Variants in EGFLAM observed in about 807,000 individuals in gnomAD.
EGFLAM encodes EGF like, fibronectin type III and laminin G domains, also known as pikachurin.
Under a neutral mutation model 113.1 loss-of-function variants are expected in EGFLAM, and 79 were observed. The observed-to-expected ratio is 0.70, with a 90% CI of 0.58 to 0.84. EGFLAM has a LOEUF of 0.84. EGFLAM is among the 40% of genes least tolerant of loss of function. The probability of loss-of-function intolerance (pLI) is 0.00; values close to 1 mark genes in which losing one functional copy is unlikely to be tolerated. For missense variants in EGFLAM, 1,265 were observed against 1,291.6 expected (o/e 0.98, Z 0.32); for synonymous variants, 504 against 487.6 (o/e 1.03, Z -0.44).
intron 5 of EGFLAM, among the ~76,000 whole-genome samples, chr5:38,354,678 C>T (rs562881390): frequency 4.0e-5 from 6 of 151,814 alleles, no homozygotes; most frequent in Non-Finnish European, 8.8e-5. Context: ...TGCAGTGAGC[C>T]GAGATTACAC....
intron 6 of EGFLAM, among the ~76,000 whole-genome samples, chr5:38,394,468 G>A (rs1044989670): frequency 4.0e-5 from 6 of 151,710 alleles, no homozygotes; most frequent in Admixed American, 2.0e-4. Context: ...GGAGTGCAGT[G>A]GCACGATCTC....
Position 38,282,990 on chromosome 5 carries a change from T to C in EGFLAM, c.97+24139T>C, listed in dbSNP as rs150045385. 2.3e-3 allele frequency among the ~76,000 whole-genome samples: 350 copies of C among 152,260 alleles called. 1 individual carries two copies. The highest frequency in any genetic ancestry group is 8.1e-3 in the African/African-American group (336 of 41,560). ...CCCCAGCCCCCTGAATAGCTGGGAC[T>C]ACAGGCATGTGCCACCACACCAGGC... On this transcript the variant is annotated intron_variant, in intron 1 of 21. Transcript: ENST00000322350.
intron 13 of EGFLAM, 97 bp downstream of exon 13, chr5:38,425,189 T>C: frequency 6.7e-7 from 1 of 1,500,240 alleles, no homozygotes; most frequent in Non-Finnish European, 8.9e-7. Flanking sequence ...ATTTGTTTGT[T>C]TGTTTTTGAG....
At chr5:38,297,597 C>T (rs1758477561) in intron 1 of EGFLAM, among the ~76,000 whole-genome samples, 1 of 152,196 alleles carries the variant, frequency 6.6e-6, no homozygotes, top group Non-Finnish European at 1.5e-5. Context: ...GACTAAATCA[C>T]ATCTGAAATG....
At chr5:38,344,494 A>G (rs1337065734) in intron 3 of EGFLAM, among the ~76,000 whole-genome samples, 1 of 152,134 alleles carries the variant, frequency 6.6e-6, no homozygotes, top group Non-Finnish European at 1.5e-5. Context: ...AAAAAAAAAA[A>G]AAAAAAGAAG....
At chr5:38,459,180 A>C (rs113551948) in intron 20 of EGFLAM, among the ~76,000 whole-genome samples, 2,629 of 152,096 alleles carry the variant, frequency 0.017, 73 homozygotes, top group African/African-American at 0.059. Context: ...AGCTGGGACC[A>C]CAGGTGTGCA....
In EGFLAM at chr5:38,427,082, C is replaced by T. The variant is rs751080180; in HGVS notation, c.1884C>T (p.Pro628=). The T allele has an allele frequency of 8.7e-6, 14 of 1,614,056 alleles. No homozygotes were observed. The highest frequency in any genetic ancestry group is 1.1e-5 in the Non-Finnish European group (13 of 1,180,022). The stretch of plus-strand genomic sequence containing the variant: ...CTGCAACTCCCTGGCCACTGGAGCC[C>T]CAGCATTACCTTTCCTTCATGGAAT... ...SYAATPWPLE[P]QHYLSFMEFE... is the part of the protein sequence containing the mutation. Residue 628 remains proline, a synonymous_variant, in exon 14 of 22, where the codon CCC becomes CCT. Coordinates refer to ENST00000322350, the MANE Select transcript of EGFLAM (RefSeq NM_152403.4).
chr5:38,272,568 C>G (rs192251081), intron 1 of EGFLAM, among the ~76,000 whole-genome samples: 94 of 152,304 alleles, frequency 6.2e-4, no homozygotes, highest in African/African-American at 2.1e-3. Flanking sequence ...CCCTGGCTTG[C>G]TTATGAAGAT....
chr5:38,382,653 T>C (rs1175071034), intron 6 of EGFLAM, among the ~76,000 whole-genome samples: 1 of 152,246 alleles, frequency 6.6e-6, no homozygotes, highest in East Asian at 1.9e-4. Flanking sequence ...CACTAATCTC[T>C]TATTAACACA....
intron 6 of EGFLAM, among the ~76,000 whole-genome samples, chr5:38,387,176 A>G (rs963483182): frequency 2.0e-5 from 3 of 152,178 alleles, no homozygotes; most frequent in South Asian, 2.1e-4. Context: ...CAAAAGGCAT[A>G]GGGGCATAGA....
chr5:38,392,165 G>A (rs759401430), intron 6 of EGFLAM, among the ~76,000 whole-genome samples: 12 of 152,074 alleles, frequency 7.9e-5, no homozygotes, highest in Non-Finnish European at 1.6e-4. Flanking sequence ...GTGTTCATAA[G>A]TTCTCATCAT....
At chr5:38,262,239 T>C (rs1757517004) in intron 1 of EGFLAM, among the ~76,000 whole-genome samples, 1 of 152,142 alleles carries the variant, frequency 6.6e-6, no homozygotes, top group East Asian at 1.9e-4. Context: ...GCTTCTGTGG[T>C]GGGGCAGGAA....
In EGFLAM at chr5:38,413,829, G is replaced by T. The variant is rs185700650; in HGVS notation, c.1494+1181G>T. On this transcript the variant is annotated intron_variant, in intron 11 of 21. Transcript: ENST00000322350. Reference sequence around the variant, plus strand: ...AATTTTTCCACGGACCAAAGTTGGGGGATGGTTTCGGGATAAACTGTTCCA... The same window carrying T: ...AATTTTTCCACGGACCAAAGTTGGGTGATGGTTTCGGGATAAACTGTTCCA... 2.7e-3 allele frequency among the ~76,000 whole-genome samples: 418 copies of T among 152,298 alleles called. 1 individual carries two copies. The highest frequency in any genetic ancestry group is 9.6e-3 in the African/African-American group (398 of 41,562).
At position 38,438,296 on chromosome 5, in the gene EGFLAM, A is replaced by C. The variant is rs746005592; in HGVS notation, c.2305A>C (p.Ile769Leu). The C allele has an allele frequency of 1.2e-6, 2 of 1,613,442 alleles. No individual in the cohort carries two copies. The highest frequency in any genetic ancestry group is 1.7e-5 in the Admixed American group (1 of 59,918). Reference protein sequence around the residue: ...IQKIILNDRTIHVKHDFTSGV... With the variant: ...IQKIILNDRTLHVKHDFTSGV... ...CAAGATCATCCTGAATGACCGAACCATCCATGTGAAGCATGACTTCACCTC... is the reference window on the plus strand; with the variant it reads ...CAAGATCATCCTGAATGACCGAACCCTCCATGTGAAGCATGACTTCACCTC... Residue 769 changes from isoleucine (I) to leucine (L), a missense_variant, in exon 17 of 22, where the codon ATC becomes CTC. Transcript: ENST00000322350.
chr5:38,285,098 C>T (rs1758123958), intron 1 of EGFLAM, among the ~76,000 whole-genome samples: 1 of 152,060 alleles, frequency 6.6e-6, no homozygotes, highest in Non-Finnish European at 1.5e-5. Flanking sequence ...GGATGATATT[C>T]ACGTAGATTT....
At chr5:38,374,424 G>A (rs1020767516) in intron 6 of EGFLAM, among the ~76,000 whole-genome samples, 1 of 152,012 alleles carries the variant, frequency 6.6e-6, no homozygotes, top group Non-Finnish European at 1.5e-5. Flanking sequence ...GGTTGGAGAT[G>A]GACTCCTAGG....
At chr5:38,334,124 A>G (rs1205464284) in intron 1 of EGFLAM, among the ~76,000 whole-genome samples, 1 of 151,894 alleles carries the variant, frequency 6.6e-6, no homozygotes, top group African/African-American at 2.4e-5. Context: ...GGGTTTTGCC[A>G]TGTTGGCCAG....
At chr5:38,306,529 G>A (rs748740070) in intron 1 of EGFLAM, among the ~76,000 whole-genome samples, 7 of 152,160 alleles carry the variant, frequency 4.6e-5, no homozygotes, top group Admixed American at 6.5e-5. Flanking sequence ...AATTGCAGTG[G>A]CAGCTATTGG....
chr5:38,336,572 C>CACACACACACAT (rs1739191946), intron 1 of EGFLAM, among the ~76,000 whole-genome samples: 1 of 145,578 alleles, frequency 6.9e-6, no homozygotes, highest in Non-Finnish European at 1.5e-5. Context: ...AGACTCCGTA[C>CACACACACACAT]ACACACACAC....
Sources: allele counts gnomAD v4.1 joint callset (sites outside exome capture counted in the v4.1 genomes callset), GRCh38; gene constraint gnomAD v4.1.1; transcripts MANE v1.5; gene names NCBI Gene and HGNC (gene_info 2026-07-23, HGNC 2026-07-21).